Variants in LNP1 observed in about 807,000 individuals in gnomAD.
LNP1 encodes the protein leukemia NUP98 fusion partner 1.
Under a neutral mutation model 14.5 loss-of-function variants are expected in LNP1, and 12 were observed. That is an observed-to-expected ratio of 0.83 (90% CI 0.53 to 1.34). The LOEUF (loss-of-function observed/expected upper bound fraction) is 1.34, where lower values mean the gene tolerates loss of function less well. Among genes scored for constraint, LNP1 ranks in the 40% most tolerant of loss-of-function variants. The pLI, the probability that LNP1 is intolerant of heterozygous loss-of-function variation, is 0.00. For synonymous variants in LNP1, 75 were observed against 71.4 expected, an observed-to-expected ratio of 1.05 and a Z score of -0.26; for missense variants, 198 against 210.9, an observed-to-expected ratio of 0.94 and a Z score of 0.38.
At chr3:100,407,672 A>G (rs569244105) in intron 1 of LNP1, among the ~76,000 whole-genome samples, 1 of 152,308 alleles carries the variant, frequency 6.6e-6, no homozygotes, top group East Asian at 1.9e-4. Flanking sequence ...ACTGCTTTAA[A>G]TAAGCCTTTT....
chr3:100,438,213 G>A (rs546925569), intron 2 of LNP1, among the ~76,000 whole-genome samples: 1 of 152,274 alleles, frequency 6.6e-6, no homozygotes, highest in Admixed American at 6.5e-5. Context: ...AAAGAACATC[G>A]AGTAGTTAAG....
chr3:100,410,616 T>C (rs778150502), intron 1 of LNP1, among the ~76,000 whole-genome samples: 9 of 152,046 alleles, frequency 5.9e-5, no homozygotes, highest in Non-Finnish European at 1.2e-4. Flanking sequence ...AACATGGAGA[T>C]TGGGTACAAC....
At position 100,451,793 on chromosome 3, in the gene LNP1, A is replaced by C. The variant is rs1044212155; in HGVS notation, c.231A>C (p.Arg77=). The C allele has an allele frequency of 2.5e-6, 4 of 1,613,958 alleles. No homozygotes were observed. The highest frequency in any genetic ancestry group is 3.4e-6 in the Non-Finnish European group (4 of 1,179,890). The change falls in exon 3 of 4, where the codon CGA becomes CGC. Residue 77 remains arginine (R), a synonymous_variant. Coordinates refer to ENST00000383693, the MANE Select transcript of LNP1 (RefSeq NM_001085451.2). ...ATTCTCATGAGGACCAAGAATTTCG[A>C]TGCCGTAGCCACGTACGGGATTACA... is the stretch of plus-strand genomic sequence containing the variant. ...RRHSHEDQEF[R]CRSHVRDYRK... is the part of the protein sequence containing the mutation.
intron 1 of LNP1, among the ~76,000 whole-genome samples, chr3:100,426,482 T>G (rs777817371): frequency 5.3e-5 from 8 of 152,134 alleles, no homozygotes; most frequent in Non-Finnish European, 7.4e-5. Flanking sequence ...TGACAAGAAA[T>G]GTTTTCTAAG....
At chr3:100,440,614 C>T (rs1286719442) in intron 2 of LNP1, among the ~76,000 whole-genome samples, 2 of 152,090 alleles carry the variant, frequency 1.3e-5, no homozygotes, top group East Asian at 1.9e-4. Context: ...TATTAACATT[C>T]GTAACCATTT....
intron 1 of LNP1, among the ~76,000 whole-genome samples, chr3:100,428,664 A>C (rs762236713): frequency 1.3e-5 from 2 of 152,254 alleles, no homozygotes; most frequent in Non-Finnish European, 2.9e-5. Context: ...GACAGGGACT[A>C]TAAAATTTAT....
At chr3:100,414,066 G>T (rs1382729690) in intron 1 of LNP1, among the ~76,000 whole-genome samples, 4 of 152,114 alleles carry the variant, frequency 2.6e-5, no homozygotes, top group African/African-American at 9.7e-5. Flanking sequence ...ACTATGTTCT[G>T]ACTATCTGTT....
At chr3:100,447,693 C>G (rs995785330) in intron 2 of LNP1, among the ~76,000 whole-genome samples, 24 of 152,256 alleles carry the variant, frequency 1.6e-4, no homozygotes, top group African/African-American at 5.8e-4. Context: ...CTGAGCATCC[C>G]TCTTCCTTAA....
At chr3:100,455,700 G>A (rs1260670862) in intron 3 of LNP1, 77 bp from the exon 4 acceptor site, 2 of 1,397,766 alleles carry the variant, frequency 1.4e-6, no homozygotes, top group Admixed American at 3.7e-5. Flanking sequence ...CTTTCTCCAT[G>A]TCTGATTATT....
chr3:100,430,122 A>G (rs923866129), intron 2 of LNP1, among the ~76,000 whole-genome samples: 12 of 152,152 alleles, frequency 7.9e-5, no homozygotes, highest in African/African-American at 2.9e-4. Flanking sequence ...GATATCTTTA[A>G]CTACTCTTCA....
At chr3:100,455,753 C>T (rs1182970164) in intron 3 of LNP1, 24 bp from the exon 4 acceptor site, 1 of 1,611,666 alleles carries the variant, frequency 6.2e-7, no homozygotes, top group Admixed American at 1.7e-5. Context: ...GCATTTTTAC[C>T]TGTTTCTGAT....
At chr3:100,450,244 C>T (rs1393525140) in intron 2 of LNP1, among the ~76,000 whole-genome samples, 1 of 148,302 alleles carries the variant, frequency 6.7e-6, no homozygotes, top group Non-Finnish European at 1.5e-5. Context: ...AAACAAACAA[C>T]AATAAAAAAA....
chr3:100,424,945 C>A (rs1270726899), intron 1 of LNP1, among the ~76,000 whole-genome samples: 1 of 152,186 alleles, frequency 6.6e-6, no homozygotes, highest in Non-Finnish European at 1.5e-5. Flanking sequence ...ATCCCATTAG[C>A]TATAAAGGTT....
rs1707381347 is a variant in LNP1 at position 100,445,746 on chromosome 3, C to T, written c.157-5973C>T. Among the ~76,000 whole-genome samples, 3 of 152,252 alleles carry T rather than the reference C, an allele frequency of 2.0e-5. No individual in the cohort carries two copies. The East Asian group carries it at 5.8e-4, about 29-fold the overall frequency. On this transcript the variant is annotated intron_variant, in intron 2 of 3. Transcript: ENST00000383693. ...TCCTTAAGCTGATAAGCAACTTCAG[C>T]AAAGTCTCAGTATACAAAATCTATG...
At chr3:100,423,936 C>G (rs1188565542) in intron 1 of LNP1, among the ~76,000 whole-genome samples, 1 of 152,174 alleles carries the variant, frequency 6.6e-6, no homozygotes, top group Non-Finnish European at 1.5e-5. Flanking sequence ...GGAGCCTCCC[C>G]TCAGGCCAGG....
At chr3:100,405,535 T>C (rs910167291) in intron 1 of LNP1, among the ~76,000 whole-genome samples, 1 of 152,190 alleles carries the variant, frequency 6.6e-6, no homozygotes, top group African/African-American at 2.4e-5. Context: ...AAGAGCCCTA[T>C]TCTGGGTTGA....
At chr3:100,425,133 C>T (rs1371667489) in intron 1 of LNP1, among the ~76,000 whole-genome samples, 2 of 152,138 alleles carry the variant, frequency 1.3e-5, no homozygotes, top group African/African-American at 2.4e-5. Flanking sequence ...GAAGGACAAT[C>T]CCAGAGAGCA....
chr3:100,405,588 C>T (rs1433094953), intron 1 of LNP1, among the ~76,000 whole-genome samples: 1 of 152,120 alleles, frequency 6.6e-6, no homozygotes, highest in Non-Finnish European at 1.5e-5. Flanking sequence ...TGGAAAGGGG[C>T]AAGAAAGTTC....
chr3:100,450,650 T>C (rs1164358194), intron 2 of LNP1, among the ~76,000 whole-genome samples: 4 of 152,162 alleles, frequency 2.6e-5, no homozygotes, highest in African/African-American at 7.2e-5. Context: ...ATGTCAATCT[T>C]AACTTTAGCC....
Sources: gnomAD v4.1 joint callset for allele counts (sites outside exome capture counted in the v4.1 genomes callset) on GRCh38, gnomAD v4.1.1 for gene constraint, MANE v1.5 for transcripts, NCBI Gene and HGNC (gene_info 2026-07-23, HGNC 2026-07-21) for gene names.